The following PTPRM variants were observed in gnomAD, a reference collection of about 807,000 sequenced individuals.
PTPRM encodes protein tyrosine phosphatase receptor type M, also known as receptor-type tyrosine-protein phosphatase mu.
In PTPRM, 47 loss-of-function variants were observed where a neutral mutation model predicts 186.7. The ratio of observed to expected loss-of-function variants is 0.25; its 90% CI spans 0.20 to 0.32. PTPRM has a LOEUF of 0.32. Ranked by LOEUF, PTPRM falls within the 10% of genes least tolerant of loss-of-function variation. The pLI, the probability that PTPRM is intolerant of heterozygous loss-of-function variation, is 1.00. For missense variants in PTPRM, 1,494 were observed against 1,865.0 expected, an observed-to-expected ratio of 0.80 and a Z score of 3.66; for synonymous variants, 668 against 674.9, an observed-to-expected ratio of 0.99 and a Z score of 0.16.
chr18:7,683,873 A>C (rs1376905607), intron 1 of PTPRM, among the ~76,000 whole-genome samples: 1 of 152,124 alleles, frequency 6.6e-6, no homozygotes, highest in Non-Finnish European at 1.5e-5. Flanking sequence ...CCCCAGGCTC[A>C]TTCAGGTTGT....
intron 13 of PTPRM, among the ~76,000 whole-genome samples, chr18:8,131,179 T>G (rs1259136971): frequency 1.3e-5 from 2 of 152,300 alleles, no homozygotes; most frequent in East Asian, 3.9e-4. Flanking sequence ...AATGGATTTC[T>G]TGATAGTATG....
chr18:7,972,479 T>TAAAAAA (rs11445031), intron 7 of PTPRM, among the ~76,000 whole-genome samples: 1 of 44,368 alleles, frequency 2.3e-5, no homozygotes, highest in Non-Finnish European at 3.6e-5. Flanking sequence ...AAAAAAACAT[T>TAAAAAA]AAAAAAAAAA....
At chr18:7,803,656 G>A (rs2044086175) in intron 2 of PTPRM, among the ~76,000 whole-genome samples, 1 of 152,178 alleles carries the variant, frequency 6.6e-6, no homozygotes, top group Admixed American at 6.5e-5. Flanking sequence ...CCATGGGGAA[G>A]GAGATGAGAA....
intron 1 of PTPRM, among the ~76,000 whole-genome samples, chr18:7,733,795 C>A (rs2144423790): frequency 6.6e-6 from 1 of 152,314 alleles, no homozygotes; most frequent in African/African-American, 2.4e-5. Flanking sequence ...GCATAAGGCA[C>A]AAATTCCTGG....
intron 14 of PTPRM, among the ~76,000 whole-genome samples, chr18:8,237,819 A>G (rs1400945204): frequency 5.3e-5 from 8 of 152,176 alleles, no homozygotes; most frequent in Non-Finnish European, 1.2e-4. Flanking sequence ...CACAGGACAC[A>G]GAATTCTAGG....
chr18:7,898,167 T>A (rs2146463330), intron 3 of PTPRM, among the ~76,000 whole-genome samples: 1 of 152,352 alleles, frequency 6.6e-6, no homozygotes, highest in African/African-American at 2.4e-5. Flanking sequence ...TATTTTTATG[T>A]AACTCATTTG....
intron 1 of PTPRM, among the ~76,000 whole-genome samples, chr18:7,570,559 G>C (rs2036542596): frequency 2.6e-5 from 4 of 152,170 alleles, no homozygotes; most frequent in Admixed American, 2.6e-4. Context: ...TGTGTGAATG[G>C]ACCAATATAT....
At chr18:7,930,230 G>A (rs1415819469) in intron 5 of PTPRM, among the ~76,000 whole-genome samples, 1 of 151,988 alleles carries the variant, frequency 6.6e-6, no homozygotes, top group Non-Finnish European at 1.5e-5. Context: ...CACCACACCT[G>A]GCTAATTTTT....
Position 7,986,017 on chromosome 18 carries a change from T to C in PTPRM, c.1132+30603T>C, listed in dbSNP as rs143697894. On this transcript the variant is annotated intron_variant, in intron 7 of 32. Transcript: ENST00000580170. ...GACTGTCCCTGACAGTGTAAAACTT[T>C]CAGAATTCCTCAGAAAAGTAAACCT... 2.2e-3 allele frequency among the ~76,000 whole-genome samples: 331 copies of C among 152,220 alleles called. 4 individuals carry two copies. Among genetic ancestry groups the C allele is most frequent in the African/African-American group, 7.6e-3 (316 of 41,542 alleles).
At chr18:8,246,535 ATT>A (rs577729786) in intron 15 of PTPRM, among the ~76,000 whole-genome samples, 104 of 152,330 alleles carry the variant, frequency 6.8e-4, no homozygotes, top group Non-Finnish European at 1.3e-3. Flanking sequence ...AAACACAGTT[ATT>A]TTATATCTGC....
chr18:7,854,391 A>G (rs965553376), intron 2 of PTPRM, among the ~76,000 whole-genome samples: 1 of 152,154 alleles, frequency 6.6e-6, no homozygotes, highest in Non-Finnish European at 1.5e-5. Flanking sequence ...TTCTTAACTT[A>G]TGTAAGAATC....
chr18:7,824,776 C>G (rs2045395917), intron 2 of PTPRM, among the ~76,000 whole-genome samples: 1 of 152,142 alleles, frequency 6.6e-6, no homozygotes, highest in Non-Finnish European at 1.5e-5. Context: ...CCCTCATCAT[C>G]CCAGCATGCT....
rs758311270 is a variant in PTPRM, at chr18:8,406,093, C to T, written c.4345-16C>T. 8 of 1,613,216 alleles carry T rather than the reference C, an allele frequency of 5.0e-6. No individual in the cohort carries two copies. The highest frequency in any genetic ancestry group is 1.7e-5 in the Admixed American group (1 of 59,988). On this transcript the variant is annotated splice_polypyrimidine_tract_variant and intron_variant, in intron 32 of 32. Transcript: ENST00000580170. ...GAGATATTCTTGAGCTGACACTTTC[C>T]CCTCCTGTTTTCCAGGATCAGTACA...
intron 31 of PTPRM, among the ~76,000 whole-genome samples, chr18:8,392,604 G>T (rs1485441029): frequency 6.6e-6 from 1 of 151,894 alleles, no homozygotes; most frequent in Non-Finnish European, 1.5e-5. Flanking sequence ...TCCAGCCTGG[G>T]TGACAGAGTG....
intron 3 of PTPRM, 138 bp downstream of exon 3, chr18:7,888,515 C>A: frequency 1.0e-6 from 1 of 996,368 alleles, no homozygotes. Context: ...AACTCTCATC[C>A]TATACTGTTG....
At chr18:7,924,526 G>C (rs1199224807) in intron 4 of PTPRM, among the ~76,000 whole-genome samples, 1 of 152,028 alleles carries the variant, frequency 6.6e-6, no homozygotes, top group Non-Finnish European at 1.5e-5. Flanking sequence ...TTTTTTATAT[G>C]GTAACATTTC....
intron 31 of PTPRM, among the ~76,000 whole-genome samples, chr18:8,389,002 AAG>A (rs2095795268): frequency 6.6e-6 from 1 of 152,150 alleles, no homozygotes; most frequent in Non-Finnish European, 1.5e-5. Flanking sequence ...AAATGACAAA[AAG>A]AATTCATTAG....
At chr18:8,335,168 C>T (rs2095431830) in intron 22 of PTPRM, among the ~76,000 whole-genome samples, 1 of 152,120 alleles carries the variant, frequency 6.6e-6, no homozygotes, top group Non-Finnish European at 1.5e-5. Flanking sequence ...ACAAGAGGGC[C>T]CCATGGGAGT....
At chr18:8,134,167 A>G (rs748985739) in intron 13 of PTPRM, among the ~76,000 whole-genome samples, 1 of 152,178 alleles carries the variant, frequency 6.6e-6, no homozygotes, top group Non-Finnish European at 1.5e-5. Context: ...GACAGGGGAA[A>G]GCCTCTCTCA....
Sources: gnomAD v4.1 joint callset for allele counts (sites outside exome capture counted in the v4.1 genomes callset) on GRCh38, gnomAD v4.1.1 for gene constraint, MANE v1.5 for transcripts, NCBI Gene and HGNC (gene_info 2026-07-23, HGNC 2026-07-21) for gene names.